VDAC1: variants seen among roughly 807,000 people sequenced by gnomAD.
VDAC1 encodes the protein voltage dependent anion channel 1, also known as non-selective voltage-gated ion channel VDAC1.
In VDAC1, 10 loss-of-function variants were observed where a neutral mutation model predicts 34.7. The observed-to-expected ratio is 0.29, with a 90% CI of 0.18 to 0.49. The LOEUF is 0.49. VDAC1 is among the 20% of genes least tolerant of loss of function. The probability of loss-of-function intolerance (pLI) is 0.99; values close to 1 mark genes in which losing one functional copy is unlikely to be tolerated. For missense variants in VDAC1, 230 were observed against 347.9 expected, an observed-to-expected ratio of 0.66 and a Z score of 2.69; for synonymous variants, 130 against 136.0, an observed-to-expected ratio of 0.96 and a Z score of 0.30.
the VDAC1 span, among the ~76,000 whole-genome samples, chr5:134,066,332 T>G: frequency 2.0e-5 from 3 of 152,234 alleles, no homozygotes; most frequent in Non-Finnish European, 4.4e-5. Flanking sequence ...TTTTACAGTC[T>G]CTGTTGTAAC....
chr5:134,077,041 G>A, the VDAC1 span, among the ~76,000 whole-genome samples: 2 of 152,166 alleles, frequency 1.3e-5, no homozygotes, highest in East Asian at 1.9e-4. Flanking sequence ...CACTTTGGGA[G>A]GCCGAGGCGG....
chr5:134,033,882 C>T, the VDAC1 span, among the ~76,000 whole-genome samples: 1 of 151,810 alleles, frequency 6.6e-6, no homozygotes, highest in African/African-American at 2.4e-5. Context: ...GTCCCAGCTA[C>T]TTGGGAGGCT....
the VDAC1 span, among the ~76,000 whole-genome samples, chr5:134,015,084 T>C: frequency 6.6e-6 from 1 of 152,168 alleles, no homozygotes; most frequent in East Asian, 1.9e-4. Flanking sequence ...CTGGAGGCCA[T>C]TATTCTGAGT....
chr5:134,098,273 C>T, the VDAC1 span, among the ~76,000 whole-genome samples: 1 of 151,958 alleles, frequency 6.6e-6, no homozygotes, highest in Non-Finnish European at 1.5e-5. Flanking sequence ...CAGCTCATTG[C>T]AACCTCCATT....
chr5:134,056,993 A>G, the VDAC1 span, among the ~76,000 whole-genome samples: 1 of 151,990 alleles, frequency 6.6e-6, no homozygotes, highest in Non-Finnish European at 1.5e-5. Flanking sequence ...CCGGCCCAAG[A>G]TTTTCTATAT....
the VDAC1 span, among the ~76,000 whole-genome samples, chr5:134,010,037 T>C: frequency 6.6e-6 from 1 of 152,320 alleles, no homozygotes. Flanking sequence ...GCGAACTTTT[T>C]TCAGCTTTAA....
At chr5:134,033,764 G>A in the VDAC1 span, among the ~76,000 whole-genome samples, 4 of 151,750 alleles carry the variant, frequency 2.6e-5, no homozygotes, top group Admixed American at 1.3e-4. Context: ...AGGCCAAGGC[G>A]GGCGGATCAC....
At chr5:134,080,664 C>T in the VDAC1 span, among the ~76,000 whole-genome samples, 5 of 152,168 alleles carry the variant, frequency 3.3e-5, no homozygotes, top group Middle Eastern at 3.2e-3. Context: ...TTACCACCCA[C>T]CAGACTGGGC....
the VDAC1 span, among the ~76,000 whole-genome samples, chr5:134,099,882 C>T: frequency 4.6e-5 from 7 of 152,280 alleles, no homozygotes; most frequent in Non-Finnish European, 4.4e-5. Context: ...CATGCCTGGC[C>T]CCAACTACCT....
At chr5:134,044,718 A>G in the VDAC1 span, among the ~76,000 whole-genome samples, 2 of 152,192 alleles carry the variant, frequency 1.3e-5, no homozygotes, top group Admixed American at 6.5e-5. Flanking sequence ...GGTATAGAAA[A>G]GACCGTGTGA....
the VDAC1 span, among the ~76,000 whole-genome samples, chr5:134,071,887 G>A: frequency 4.6e-5 from 7 of 152,144 alleles, no homozygotes; most frequent in East Asian, 1.9e-4. This position sits in a 1 kb window ranked among gnomAD's most constrained non-coding sequence, Gnocchi z 4.1. Flanking sequence ...TGGGAAGGGA[G>A]AAGCCAGTCT....
chr5:134,010,965 T>C, the VDAC1 span, among the ~76,000 whole-genome samples: 2 of 139,336 alleles, frequency 1.4e-5, no homozygotes, highest in Non-Finnish European at 3.2e-5. Context: ...CCTACCCCCA[T>C]TCCCTTTTTT....
chr5:134,064,377 C>T, the VDAC1 span, among the ~76,000 whole-genome samples: 1 of 152,026 alleles, frequency 6.6e-6, no homozygotes, highest in African/African-American at 2.4e-5. Flanking sequence ...GCAATCTTGG[C>T]TCACTGCAAC....
chr5:134,033,766 G>A, the VDAC1 span, among the ~76,000 whole-genome samples: 2 of 151,888 alleles, frequency 1.3e-5, no homozygotes, highest in South Asian at 4.2e-4. Context: ...GCCAAGGCGG[G>A]CGGATCACGA....
At chr5:134,008,444 T>C (rs541011180), upstream of VDAC1, among the ~76,000 whole-genome samples, 1 of 152,386 alleles carries the variant, frequency 6.6e-6, no homozygotes, top group Non-Finnish European at 1.5e-5. Context: ...GAGATTTTTC[T>C]TTCATTGTTA....
At chr5:134,014,166 G>A in the VDAC1 span, among the ~76,000 whole-genome samples, 1 of 151,772 alleles carries the variant, frequency 6.6e-6, no homozygotes, top group East Asian at 1.9e-4. Context: ...GCACGCGCTT[G>A]TAATCCCAGC....
the VDAC1 span, among the ~76,000 whole-genome samples, chr5:134,070,617 A>G: frequency 6.6e-6 from 1 of 152,088 alleles, no homozygotes; most frequent in South Asian, 2.1e-4. Flanking sequence ...TTTTTTCCAT[A>G]CAGGCTTATA....
chr5:134,107,465 A>G, the VDAC1 span, among the ~76,000 whole-genome samples: 2 of 152,214 alleles, frequency 1.3e-5, no homozygotes, highest in Non-Finnish European at 2.9e-5. Flanking sequence ...CTACATGGCC[A>G]GCCGGCTCCT....
intron 5 of VDAC1, among the ~76,000 whole-genome samples, chr5:133,986,369 C>A (rs760791131): frequency 1.4e-4 from 22 of 152,102 alleles, no homozygotes; most frequent in South Asian, 4.1e-4. Context: ...TACCCAGTAG[C>A]ATTATGTACA....
Sources: allele counts gnomAD v4.1 joint callset (sites outside exome capture counted in the v4.1 genomes callset), GRCh38; gene constraint gnomAD v4.1.1; non-coding constraint Gnocchi (gnomAD v3.1); transcripts MANE v1.5; gene names NCBI Gene and HGNC (gene_info 2026-07-23, HGNC 2026-07-21).